The following HDAC9 variants were observed in gnomAD, a reference collection of about 807,000 sequenced individuals.
HDAC9 encodes the protein MEF-2 interacting transcription repressor (MITR) protein.
In HDAC9, 41 loss-of-function variants were observed where a neutral mutation model predicts 139.4. That is an observed-to-expected ratio of 0.29 (90% CI 0.23 to 0.38). HDAC9 has a LOEUF of 0.38. Ranked by LOEUF, HDAC9 falls within the 10% of genes least tolerant of loss-of-function variation. The pLI, the probability that HDAC9 is intolerant of heterozygous loss-of-function variation, is 1.00. For synonymous variants in HDAC9, 517 were observed against 476.2 expected (o/e 1.09, Z -1.12); for missense variants, 1,147 against 1,297.0 (o/e 0.88, Z 1.78).
chr7:18,191,573 C>T (rs965464810), intron 2 of HDAC9, among the ~76,000 whole-genome samples: 1 of 152,138 alleles, frequency 6.6e-6, no homozygotes, highest in South Asian at 2.1e-4. Flanking sequence ...CAGCTAGTGA[C>T]TGAAGGGGAA....
At chr7:18,427,376 A>T (rs896806875) in intron 1 of HDAC9, among the ~76,000 whole-genome samples, 1 of 152,046 alleles carries the variant, frequency 6.6e-6, no homozygotes, top group Non-Finnish European at 1.5e-5. Context: ...TAAACATTTG[A>T]ATGTTAGGTC....
At chr7:18,700,512 C>T (rs74427224) in intron 12 of HDAC9, among the ~76,000 whole-genome samples, 1,571 of 152,336 alleles carry the variant, frequency 0.01, 12 homozygotes, top group Non-Finnish European at 0.017. Context: ...TTCAGTCACT[C>T]TGAGCCTTTG....
At chr7:18,454,013 C>T (rs1039263014) in intron 1 of HDAC9, among the ~76,000 whole-genome samples, 5 of 152,008 alleles carry the variant, frequency 3.3e-5, no homozygotes, top group African/African-American at 1.2e-4. Flanking sequence ...CTGAGAGCCT[C>T]ATAATCTAAT....
intron 2 of HDAC9, among the ~76,000 whole-genome samples, chr7:18,583,128 AAT>A (rs1384067493): frequency 2.6e-5 from 4 of 152,120 alleles, no homozygotes; most frequent in Non-Finnish European, 4.4e-5. Flanking sequence ...ATTTGTTTCT[AAT>A]ATGTTTGTTT....
At chr7:18,632,296 C>A (rs1179514136) in intron 7 of HDAC9, among the ~76,000 whole-genome samples, 4 of 151,988 alleles carry the variant, frequency 2.6e-5, no homozygotes, top group Admixed American at 2.0e-4. Flanking sequence ...TAATAATTTG[C>A]TCAAATCCCA....
At chr7:18,548,030 G>A (rs1046757736) in intron 2 of HDAC9, among the ~76,000 whole-genome samples, 14 of 151,648 alleles carry the variant, frequency 9.2e-5, no homozygotes, top group Non-Finnish European at 1.8e-4. Context: ...ATCATTTCTA[G>A]CTCTTGATTG....
intron 2 of HDAC9, among the ~76,000 whole-genome samples, chr7:18,279,703 A>T (rs1389249996): frequency 2.6e-5 from 4 of 152,088 alleles, no homozygotes; most frequent in Admixed American, 2.6e-4. Flanking sequence ...TGACCTCGTG[A>T]TCCACCCCCC....
chr7:18,639,761 C>T (rs985782478), intron 8 of HDAC9, among the ~76,000 whole-genome samples: 1 of 151,966 alleles, frequency 6.6e-6, no homozygotes, highest in African/African-American at 2.4e-5. Context: ...CCTTGTAAAG[C>T]CAAAGCTGAT....
chr7:18,354,556 T>C (rs1783104742), intron 1 of HDAC9, among the ~76,000 whole-genome samples: 1 of 152,196 alleles, frequency 6.6e-6, no homozygotes, highest in Non-Finnish European at 1.5e-5. Flanking sequence ...TTTGATTCTC[T>C]ACTGGTTTTG....
At chr7:18,773,364 TACAC>T (rs4043674) in intron 16 of HDAC9, among the ~76,000 whole-genome samples, 11,697 of 142,646 alleles carry the variant, frequency 0.082, 532 homozygotes, top group African/African-American at 0.12. Context: ...AAAAACTGTA[TACAC>T]ACACACACAC....
chr7:18,791,901 G>T (rs1792347785), intron 16 of HDAC9, among the ~76,000 whole-genome samples: 1 of 151,978 alleles, frequency 6.6e-6, no homozygotes, highest in East Asian at 1.9e-4. Flanking sequence ...TTAAAAAGTT[G>T]GTATTTTCAC....
At chr7:18,919,076 A>T (rs1198495592) in intron 22 of HDAC9, among the ~76,000 whole-genome samples, 1 of 152,124 alleles carries the variant, frequency 6.6e-6, no homozygotes, top group Admixed American at 6.6e-5. Context: ...ATCAGTAATA[A>T]GCCACAATTA....
intron 22 of HDAC9, among the ~76,000 whole-genome samples, chr7:18,882,595 T>C (rs889193172): frequency 1.3e-5 from 2 of 151,830 alleles, no homozygotes; most frequent in East Asian, 3.9e-4. Context: ...TGTTCGGATC[T>C]CAAATATGTT....
Position 18,997,211 on chromosome 7 carries a change from T to C in HDAC9, c.*1149T>C, listed in dbSNP as rs1786516390. 6.6e-6 allele frequency: 1 copy of C among 152,044 alleles called. No homozygotes were observed. The allele number at this position is 152,044 out of a possible 1,614,324, so 9.4% of individuals were successfully genotyped here. ...ATATCACTTAAGCAACGTTGCTAAATTTCTATGTGTTTGAAATGTGTTAAT... is the reference window on the plus strand; with the variant it reads ...ATATCACTTAAGCAACGTTGCTAAACTTCTATGTGTTTGAAATGTGTTAAT... On this transcript the variant is annotated 3_prime_UTR_variant, in exon 26 of 26. Transcript: ENST00000686413.
At chr7:18,215,673 C>T (rs1194475255) in intron 2 of HDAC9, among the ~76,000 whole-genome samples, 1 of 152,002 alleles carries the variant, frequency 6.6e-6, no homozygotes, top group Non-Finnish European at 1.5e-5. Context: ...AAATGTAGTC[C>T]CCGAATAGTG....
chr7:18,518,694 C>G (rs536038374), intron 2 of HDAC9, among the ~76,000 whole-genome samples: 1 of 152,308 alleles, frequency 6.6e-6, no homozygotes, highest in African/African-American at 2.4e-5. Context: ...CTGTATTTAA[C>G]TGGCCCTGAG....
At chr7:18,163,545 CTGTTGCTGCTTGGGG>C (rs1313521544) in intron 2 of HDAC9, among the ~76,000 whole-genome samples, 3 of 152,138 alleles carry the variant, frequency 2.0e-5, no homozygotes, top group Non-Finnish European at 4.4e-5. Flanking sequence ...CTTGACAATG[CTGTTGCTGCTTGGGG>C]ACCACACTTT....
intron 1 of HDAC9, among the ~76,000 whole-genome samples, chr7:18,156,560 T>C (rs1180731732): frequency 6.6e-6 from 1 of 152,232 alleles, no homozygotes; most frequent in Non-Finnish European, 1.5e-5. Flanking sequence ...TGCTCACTTA[T>C]TCATCAGGAA....
chr7:18,412,116 C>T (rs1317148919), intron 1 of HDAC9, among the ~76,000 whole-genome samples: 1 of 152,128 alleles, frequency 6.6e-6, no homozygotes, highest in Non-Finnish European at 1.5e-5. Context: ...GTGTGAGCCA[C>T]TGCGCCCAGC....
Sources: gnomAD v4.1 joint callset for allele counts (sites outside exome capture counted in the v4.1 genomes callset) on GRCh38, gnomAD v4.1.1 for gene constraint, MANE v1.5 for transcripts, NCBI Gene and HGNC (gene_info 2026-07-23, HGNC 2026-07-21) for gene names.